Variants in MET observed in about 807,000 individuals in gnomAD.
The protein encoded by MET is MET proto-oncogene, receptor tyrosine kinase.
A neutral mutation model predicts 133.1 loss-of-function variants in MET; 48 were observed. The ratio of observed to expected loss-of-function variants is 0.36; its 90% CI spans 0.29 to 0.46. The LOEUF is 0.46. Among genes scored for constraint, MET ranks in the 20% least tolerant of loss-of-function variants. The pLI is 1.00. For missense variants in MET, 1,442 were observed against 1,695.9 expected (o/e 0.85, Z 2.63); for synonymous variants, 628 against 616.5 (o/e 1.02, Z -0.28).
intron 19 of MET, among the ~76,000 whole-genome samples, chr7:116,792,480 CA>C (rs1795539021): frequency 6.8e-6 from 1 of 146,986 alleles, no homozygotes; most frequent in Non-Finnish European, 1.5e-5. Context: ...CACACACACA[CA>C]CACACACACA....
chr7:116,722,229 C>A (rs1317802984), intron 2 of MET, among the ~76,000 whole-genome samples: 11 of 151,284 alleles, frequency 7.3e-5, no homozygotes, highest in Middle Eastern at 6.9e-3. Flanking sequence ...GATCCCTTTA[C>A]CATTATGTAA....
intron 5 of MET, among the ~76,000 whole-genome samples, chr7:116,742,452 A>C (rs1793497197): frequency 6.6e-6 from 1 of 152,242 alleles, no homozygotes; most frequent in African/African-American, 2.4e-5. Context: ...TAGGAATCTG[A>C]ACTCTGCTAT....
At chr7:116,762,559 A>G (rs956740304) in intron 10 of MET, among the ~76,000 whole-genome samples, 1 of 152,218 alleles carries the variant, frequency 6.6e-6, no homozygotes, top group South Asian at 2.1e-4. Flanking sequence ...GCACTTTACC[A>G]TGTGGTATCC....
intron 11 of MET, among the ~76,000 whole-genome samples, chr7:116,766,928 C>G (rs1331657499): frequency 2.0e-5 from 3 of 152,156 alleles, no homozygotes; most frequent in Non-Finnish European, 2.9e-5. Flanking sequence ...TGCCTATTAA[C>G]ATCTGGTGGA....
intron 1 of MET, chr7:116,695,758 T>G (rs1796940426): frequency 2.0e-6 from 1 of 490,856 alleles, no homozygotes; most frequent in African/African-American, 2.0e-5. Context: ...AGGGTGGTGA[T>G]GAAGAGTAAA....
intron 2 of MET, among the ~76,000 whole-genome samples, chr7:116,706,498 G>T (rs952022664): frequency 6.6e-6 from 1 of 152,136 alleles, no homozygotes; most frequent in Non-Finnish European, 1.5e-5. Context: ...GTGGGATGCT[G>T]CATTGATAAG....
At chr7:116,767,196 C>T (rs1352916958) in intron 11 of MET, among the ~76,000 whole-genome samples, 2 of 152,112 alleles carry the variant, frequency 1.3e-5, no homozygotes, top group East Asian at 1.9e-4. Flanking sequence ...TTTTTCAGAT[C>T]CTACCCACTT....
intron 11 of MET, among the ~76,000 whole-genome samples, chr7:116,766,595 T>G (rs972105914): frequency 3.3e-5 from 5 of 152,222 alleles, no homozygotes; most frequent in African/African-American, 9.6e-5. Flanking sequence ...CAGTTCTGAG[T>G]CCAGACAGGA....
Position 116,713,255 on chromosome 7 carries a change from G to C in MET, c.1200+12971G>C, listed in dbSNP as rs199810399. Reference sequence around the variant, plus strand: ...CTAAAAATACAAAAAATTAGCCGGGGGTAATGGCGGGCGCCTGTAGTCCCA... The same window carrying C: ...CTAAAAATACAAAAAATTAGCCGGGCGTAATGGCGGGCGCCTGTAGTCCCA... On this transcript the variant is annotated intron_variant, in intron 2 of 20. Transcript: ENST00000397752. 1.7e-3 allele frequency among the ~76,000 whole-genome samples: 252 copies of C among 151,924 alleles called. 1 individual carries two copies. Among genetic ancestry groups the C allele is most frequent in the Non-Finnish European group, 2.9e-3 (195 of 67,792 alleles).
At chr7:116,726,198 C>T (rs1279685851) in intron 2 of MET, among the ~76,000 whole-genome samples, 1 of 3,116 alleles carries the variant, frequency 3.2e-4, no homozygotes, top group Non-Finnish European at 8.2e-4. Context: ...AACAAATACT[C>T]ATATCTCTAC....
chr7:116,676,476 A>G (rs1343525846), intron 1 of MET, among the ~76,000 whole-genome samples: 6 of 152,244 alleles, frequency 3.9e-5, no homozygotes, highest in African/African-American at 7.2e-5. Context: ...TATAAAACAG[A>G]TGAAAACCTC....
intron 3 of MET, among the ~76,000 whole-genome samples, chr7:116,737,553 T>G (rs1037500697): frequency 6.6e-6 from 1 of 152,200 alleles, no homozygotes; most frequent in Non-Finnish European, 1.5e-5. Flanking sequence ...ATCTGACTCA[T>G]GTACTTTCTA....
intron 3 of MET, among the ~76,000 whole-genome samples, chr7:116,738,304 A>T (rs1439670618): frequency 6.6e-6 from 1 of 152,154 alleles, no homozygotes; most frequent in Non-Finnish European, 1.5e-5. Flanking sequence ...GGGAGTTAAG[A>T]TTGCAAAATT....
intron 19 of MET, among the ~76,000 whole-genome samples, chr7:116,794,279 T>G (rs969235431): frequency 1.3e-5 from 2 of 152,228 alleles, no homozygotes; most frequent in African/African-American, 2.4e-5. Context: ...AAATTGATTT[T>G]AAATGTTAAT....
chr7:116,747,275 A>C (rs962476637), intron 5 of MET, among the ~76,000 whole-genome samples: 2 of 152,198 alleles, frequency 1.3e-5, no homozygotes, highest in Non-Finnish European at 2.9e-5. Context: ...CACACATAAC[A>C]CTATTAACCT....
chr7:116,745,382 C>T (rs1156786664), intron 5 of MET, among the ~76,000 whole-genome samples: 2 of 152,136 alleles, frequency 1.3e-5, no homozygotes, highest in African/African-American at 4.8e-5. Flanking sequence ...TCAATGCCAT[C>T]CCCATCAAGC....
At chr7:116,719,644 T>C (rs1478934235) in intron 2 of MET, among the ~76,000 whole-genome samples, 1 of 152,248 alleles carries the variant, frequency 6.6e-6, no homozygotes, top group Admixed American at 6.5e-5. Flanking sequence ...AAGTCTTTAA[T>C]CCATCTTGAA....
chr7:116,733,218 A>G (rs1292545280), intron 3 of MET, among the ~76,000 whole-genome samples: 1 of 152,178 alleles, frequency 6.6e-6, no homozygotes, highest in African/African-American at 2.4e-5. Flanking sequence ...GTGTTTATAC[A>G]TGTTTTTAAT....
At chr7:116,724,943 C>A in intron 2 of MET, 1 of 1,045,596 alleles carries the variant, frequency 9.6e-7, no homozygotes, top group Non-Finnish European at 1.3e-6. Flanking sequence ...CTGTGTCTAA[C>A]ACATTGTAAA....
Sources: gnomAD v4.1 joint callset for allele counts (sites outside exome capture counted in the v4.1 genomes callset) on GRCh38, gnomAD v4.1.1 for gene constraint, MANE v1.5 for transcripts, NCBI Gene and HGNC (gene_info 2026-07-23, HGNC 2026-07-21) for gene names.